ARHGEF6: variants seen among roughly 807,000 people sequenced by gnomAD.
ARHGEF6 encodes the protein rho guanine nucleotide exchange factor 6.
In ARHGEF6, 9 loss-of-function variants were observed where a neutral mutation model predicts 70.3. The observed-to-expected ratio is 0.13, with a 90% CI of 0.08 to 0.22. ARHGEF6 has a LOEUF of 0.22. ARHGEF6 is among the 10% of genes least tolerant of loss of function. The pLI is 1.00. For synonymous variants in ARHGEF6, 201 were observed against 207.8 expected (o/e 0.97, Z 0.28); for missense variants, 470 against 563.0 (o/e 0.83, Z 1.67).
intron 2 of ARHGEF6, among the ~76,000 whole-genome samples, chrX:136,760,149 T>A (rs1451251695): frequency 8.9e-6 from 1 of 112,349 alleles, no homozygotes; most frequent in Non-Finnish European, 1.9e-5. Flanking sequence ...CTGGACTAAG[T>A]GGACATAAAC....
chrX:136,775,267 C>T (rs1257156330), intron 2 of ARHGEF6, among the ~76,000 whole-genome samples: 1 of 111,272 alleles, frequency 9.0e-6, no homozygotes, highest in African/African-American at 3.3e-5. Context: ...AGACCAGTAC[C>T]CCTGATGAAC....
At chrX:136,687,128 C>T (rs776544651) in intron 11 of ARHGEF6, among the ~76,000 whole-genome samples, 2 of 111,525 alleles carry the variant, frequency 1.8e-5, no homozygotes, top group Non-Finnish European at 3.8e-5. Flanking sequence ...TATTAGCTTG[C>T]GCCATGTAAA....
At chrX:136,746,982 C>T (rs1230581562) in intron 3 of ARHGEF6, among the ~76,000 whole-genome samples, 1 of 111,554 alleles carries the variant, frequency 9.0e-6, no homozygotes, top group Non-Finnish European at 1.9e-5. Context: ...TTCACATTTA[C>T]TAGCATTTAT....
chrX:136,676,133 C>T (rs1313508929), intron 18 of ARHGEF6, among the ~76,000 whole-genome samples: 1 of 112,431 alleles, frequency 8.9e-6, no homozygotes, highest in Non-Finnish European at 1.9e-5. Context: ...CCAAATATGT[C>T]CATATCGACT....
At chrX:136,767,315 C>T (rs2077325988) in intron 2 of ARHGEF6, 4 of 754,744 alleles carry the variant, frequency 5.3e-6, no homozygotes, top group African/African-American at 2.3e-5. Flanking sequence ...GGACCCTGCC[C>T]TGAGCGCGGC....
At chrX:136,698,535 G>C (rs1460224904) in intron 9 of ARHGEF6, among the ~76,000 whole-genome samples, 1 of 111,994 alleles carries the variant, frequency 8.9e-6, no homozygotes, top group East Asian at 2.8e-4. Context: ...TCATGGGCTA[G>C]AGAACCTAGA....
At chrX:136,668,955 T>TAATG (rs2076193636) in intron 21 of ARHGEF6, among the ~76,000 whole-genome samples, 1 of 111,559 alleles carries the variant, frequency 9.0e-6, no homozygotes, top group Admixed American at 9.5e-5. Flanking sequence ...CTCCCCAGCC[T>TAATG]CATTACCCTG....
intron 6 of ARHGEF6, among the ~76,000 whole-genome samples, chrX:136,717,289 G>A (rs1300744441): frequency 1.8e-5 from 2 of 112,269 alleles, no homozygotes; most frequent in African/African-American, 3.2e-5. Context: ...CAGAAACAAT[G>A]CAAGCAAGAG....
chrX:136,687,910 G>A (rs1360392036), intron 11 of ARHGEF6, 22 bp downstream of exon 11: 1 of 1,182,824 alleles, frequency 8.5e-7, no homozygotes, highest in Non-Finnish European at 1.2e-6. Context: ...ATGGAGAATT[G>A]TGATTTTAAA....
intron 2 of ARHGEF6, among the ~76,000 whole-genome samples, chrX:136,750,249 C>T (rs759664125): frequency 3.6e-5 from 4 of 112,304 alleles, no homozygotes; most frequent in Non-Finnish European, 7.5e-5. Flanking sequence ...AAATAGAGAA[C>T]CAATTCCCTT....
intron 9 of ARHGEF6, among the ~76,000 whole-genome samples, chrX:136,698,906 C>T (rs2076537874): frequency 9.0e-6 from 1 of 111,624 alleles, no homozygotes; most frequent in African/African-American, 3.3e-5. Flanking sequence ...AAGCAATTGG[C>T]CAAAGCAAAA....
chrX:136,718,165 T>A (rs1440001145), intron 6 of ARHGEF6, among the ~76,000 whole-genome samples: 1 of 111,026 alleles, frequency 9.0e-6, no homozygotes, highest in Non-Finnish European at 1.9e-5. Flanking sequence ...AGTAAAGGGA[T>A]GAAAAAGGAG....
At chrX:136,712,410 C>T (rs1283911526) in intron 7 of ARHGEF6, among the ~76,000 whole-genome samples, 1 of 112,404 alleles carries the variant, frequency 8.9e-6, no homozygotes, top group African/African-American at 3.2e-5. Context: ...CCATCACACC[C>T]GGCCAAATTT....
At chrX:136,764,140 T>C (rs2077290509) in intron 2 of ARHGEF6, among the ~76,000 whole-genome samples, 2 of 108,944 alleles carry the variant, frequency 1.8e-5, no homozygotes, top group Non-Finnish European at 3.8e-5. Flanking sequence ...CAACTCTGGA[T>C]ACACATTAGA....
chrX:136,750,639 G>A (rs1185508570), intron 2 of ARHGEF6, among the ~76,000 whole-genome samples: 2 of 111,507 alleles, frequency 1.8e-5, no homozygotes, highest in African/African-American at 6.5e-5. Flanking sequence ...ATGGTGTCAA[G>A]GTATCATTCC....
At chrX:136,757,924 G>A (rs985828674) in intron 2 of ARHGEF6, among the ~76,000 whole-genome samples, 2 of 109,774 alleles carry the variant, frequency 1.8e-5, no homozygotes, top group African/African-American at 6.6e-5. Context: ...CTGCCCTTTG[G>A]GCATGCCTTT....
rs189037998 is a variant in ARHGEF6, at chrX:136,682,689, T to C, written c.1479+69A>G. The C allele has an allele frequency of 2.0e-3, 1,680 of 834,407 alleles. 2 individuals are homozygous for C. Among genetic ancestry groups the C allele is most frequent in the Non-Finnish European group, 2.7e-3 (1,476 of 553,490 alleles). 68.8% of individuals were successfully genotyped at this position (834,407 alleles called of 1,213,427 possible). A position where few individuals can be genotyped will look rare whatever the true frequency, so the allele number is the denominator to read the frequency against. On this transcript the variant is annotated intron_variant, in intron 13 of 21. Coordinates refer to ENST00000250617, the MANE Select transcript of ARHGEF6 (RefSeq NM_004840.3). ...TGAGCTTTTAATGCCATAGTGGAGATATTGCATCTGGATGGAAACCTGTTT... is the reference window on the plus strand; with the variant it reads ...TGAGCTTTTAATGCCATAGTGGAGACATTGCATCTGGATGGAAACCTGTTT...
intron 2 of ARHGEF6, among the ~76,000 whole-genome samples, chrX:136,760,434 A>G (rs1401774176): frequency 1.8e-5 from 2 of 112,461 alleles, no homozygotes; most frequent in African/African-American, 6.5e-5. Context: ...TGGTTTGAAT[A>G]AAGAGGTATA....
intron 6 of ARHGEF6, among the ~76,000 whole-genome samples, chrX:136,726,823 CCA>C (rs2076857512): frequency 8.9e-6 from 1 of 112,707 alleles, no homozygotes; most frequent in African/African-American, 3.2e-5. Context: ...ATGCTCATCC[CCA>C]GAGTTGAATA....
Sources: allele counts gnomAD v4.1 joint callset (sites outside exome capture counted in the v4.1 genomes callset), GRCh38; gene constraint gnomAD v4.1.1; transcripts MANE v1.5; gene names NCBI Gene and HGNC (gene_info 2026-07-23, HGNC 2026-07-21).